BPIFB6: variants seen among roughly 807,000 people sequenced by gnomAD.
BPIFB6 encodes BPI fold-containing family B member 6.
A neutral mutation model predicts 54.7 loss-of-function variants in BPIFB6; 47 were observed. That is an observed-to-expected ratio of 0.86 (90% CI 0.68 to 1.10). The LOEUF (loss-of-function observed/expected upper bound fraction) is 1.10. Ranked by LOEUF, BPIFB6 falls within the 50% of genes least tolerant of loss-of-function variation. The pLI is 0.00. For synonymous variants in BPIFB6, 255 were observed against 225.9 expected, an observed-to-expected ratio of 1.13 and a Z score of -1.16; for missense variants, 603 against 564.1, an observed-to-expected ratio of 1.07 and a Z score of -0.70.
chr20:33,037,231 G>A (rs535471783), intron 7 of BPIFB6, among the ~76,000 whole-genome samples: 4 of 152,296 alleles, frequency 2.6e-5, no homozygotes, highest in African/African-American at 7.2e-5. Flanking sequence ...GTCGATTTCC[G>A]CCTGTCTCTT....
intron 11 of BPIFB6, 56 bp downstream of exon 11, chr20:33,040,374 G>A (rs1979530107): frequency 1.3e-6 from 2 of 1,523,912 alleles, no homozygotes; most frequent in Admixed American, 1.7e-5. Flanking sequence ...TTGGCCTTCT[G>A]ATCTAGCACA....
intron 12 of BPIFB6, 89 bp downstream of exon 12, chr20:33,042,104 T>G (rs979353519): frequency 7.3e-6 from 10 of 1,376,630 alleles, no homozygotes; most frequent in Non-Finnish European, 1.0e-5. Context: ...GGCCCTGAAA[T>G]GGAGGCAGAT....
rs373810212 is a variant in BPIFB6, at chr20:33,035,061, C to T, written c.453-20C>T. 34 of 1,613,624 alleles carry T rather than the reference C, an allele frequency of 2.1e-5. No homozygotes were observed. The highest frequency in any genetic ancestry group is 1.4e-4 in the South Asian group (13 of 91,040). ...ACTGGTGCACCTGCCCACCTATCCT[C>T]GGTGCCTGTGTCCATCTAGCATGCT... is the stretch of plus-strand genomic sequence containing the variant. On this transcript the variant is annotated intron_variant, in intron 4 of 14. Transcript: ENST00000349552.
At chr20:33,035,476 T>G in intron 5 of BPIFB6, 136 bp from the exon 6 acceptor site, 1 of 869,270 alleles carries the variant, frequency 1.2e-6, no homozygotes, top group Non-Finnish European at 1.9e-6. Context: ...TTACTTTCTG[T>G]GGGACTTGGG....
chr20:33,035,540 G>T (rs1600524039), intron 5 of BPIFB6, 72 bp from the exon 6 acceptor site: 1 of 1,499,648 alleles, frequency 6.7e-7, no homozygotes. Context: ...GATGGCCCGT[G>T]GTGTACCATT....
In BPIFB6 at chr20:33,041,959, C is replaced by G; in HGVS notation, c.1143-11C>G. On this transcript the variant is annotated splice_polypyrimidine_tract_variant and intron_variant, in intron 11 of 14. Coordinates refer to ENST00000349552, the MANE Select transcript of BPIFB6 (RefSeq NM_174897.2). The stretch of plus-strand genomic sequence containing the variant: ...CCTCCCCGCCTGGCTTGCTTCCCCA[C>G]TCCCCCACAGATTACTGAGCTTGTC... The G allele has an allele frequency of 6.2e-7, 1 of 1,614,032 alleles. No homozygotes were observed. Among genetic ancestry groups the G allele is most frequent in the Non-Finnish European group, 8.5e-7 (1 of 1,179,922 alleles).
In BPIFB6 at chr20:33,034,255, A is replaced by G. The variant is rs1325582825; in HGVS notation, c.267A>G (p.Gln89=). ...TTGTACCTGGAGTGGGCATCTTCCA[A>G]TGTGTGTCCACAGGCATGACCGTCA... The part of the protein sequence containing the change: ...LNFVPGVGIF[Q]CVSTGMTVTG... The change falls in exon 3 of 15, where the codon CAA becomes CAG. Residue 89 remains glutamine, a synonymous_variant. Transcript: ENST00000349552. The G allele has an allele frequency of 4.3e-6, 7 of 1,614,022 alleles. No individual in the cohort carries two copies. Among genetic ancestry groups the G allele is most frequent in the South Asian group, 3.3e-5 (3 of 91,074 alleles).
In BPIFB6 at chr20:33,039,497, A is replaced by G. The variant is rs377574610; in HGVS notation, c.1051A>G (p.Met351Val). 5 of 1,611,742 alleles carry G rather than the reference A, an allele frequency of 3.1e-6. No individual in the cohort carries two copies. Among genetic ancestry groups the G allele is most frequent in the Non-Finnish European group, 4.2e-6 (5 of 1,179,332 alleles). The change falls in exon 10 of 15, where the codon ATG becomes GTG. Residue 351 changes from methionine (M) to valine (V), a missense_variant. By Grantham distance (21) the Met-to-Val change is conservative. Coordinates refer to ENST00000349552, the MANE Select transcript of BPIFB6 (RefSeq NM_174897.2). ...AGCTCGGTGGCGGAGCAAGGCTCCAATGTCCCTCTTTCTCCTAGAAGTGGT... is the reference window on the plus strand; with the variant it reads ...AGCTCGGTGGCGGAGCAAGGCTCCAGTGTCCCTCTTTCTCCTAGAAGTGGT... ...FAARWRSKAP[M>V]SLFLLEVHFN...
At position 33,031,664 on chromosome 20, in the gene BPIFB6, G is replaced by T. The variant is rs1184424470; in HGVS notation, c.17G>T (p.Cys6Phe). The change falls in exon 1 of 15, where the codon TGC becomes TTC. Residue 6 changes from cysteine (C) to phenylalanine (F), a missense_variant. Physicochemically the swap from Cys to Phe is radical, Grantham distance 205. Coordinates refer to ENST00000349552, the MANE Select transcript of BPIFB6 (RefSeq NM_174897.2). ...GGTGGTGCCATGCTGCGGATCCTGT[G>T]CCTGGCACTCTGCAGCCTGCTGACT... Reference protein sequence around the residue: MLRILCLALCSLLTGT... With the variant: MLRILFLALCSLLTGT... 7 of 1,613,814 alleles carry T rather than the reference G, an allele frequency of 4.3e-6. No homozygotes were observed. The highest frequency in any genetic ancestry group is 5.9e-6 in the Non-Finnish European group (7 of 1,179,970).
rs183794948 is a variant in BPIFB6, at chr20:33,036,542, C to T, written c.669+6C>T. ...ACATCCAACTGGACTTCAGTGTAAG[C>T]GCCTAGGGCCACCTGGGAGCTGGGG... On this transcript the variant is annotated splice_donor_region_variant and intron_variant, in intron 7 of 14. Transcript: ENST00000349552. 1.1e-5 allele frequency: 17 copies of T among 1,612,370 alleles called. No individual in the cohort carries two copies. The highest frequency in any genetic ancestry group is 1.7e-4 in the Middle Eastern group (1 of 6,060).
intron 12 of BPIFB6, 35 bp downstream of exon 12, chr20:33,042,050 G>T: frequency 1.2e-6 from 2 of 1,601,020 alleles, no homozygotes; most frequent in Admixed American, 3.3e-5. Flanking sequence ...TGTCCGGCGT[G>T]AGGACAAGAC....
At position 33,031,762 on chromosome 20, in the gene BPIFB6, C is replaced by A; in HGVS notation, c.97+18C>A. The A allele has an allele frequency of 1.2e-6, 2 of 1,612,030 alleles. No individual in the cohort carries two copies. The highest frequency in any genetic ancestry group is 8.5e-7 in the Non-Finnish European group (1 of 1,178,402). ...CATGAACCGTGGTGAGCTTGTGGGCCCGGGCGTGCAGCTGGGAGGCGGTGC... is the reference window on the plus strand; with the variant it reads ...CATGAACCGTGGTGAGCTTGTGGGCACGGGCGTGCAGCTGGGAGGCGGTGC... On this transcript the variant is annotated intron_variant, in intron 1 of 14. Coordinates refer to ENST00000349552, the MANE Select transcript of BPIFB6 (RefSeq NM_174897.2).
In BPIFB6 at chr20:33,033,029, C is replaced by T; in HGVS notation, c.143C>T (p.Ala48Val). Residue 48 changes from alanine (A) to valine (V), a missense_variant, in exon 2 of 15, where the codon GCA becomes GTA. Ala to Val is a moderately conservative substitution (Grantham distance 64). Transcript: ENST00000349552. ...MDESHILEKM[A>V]AEAGKKQPGM... ...GAGAGTCATATCCTGGAGAAGATGG[C>T]AGCCGAGGCAGGCAAGAAACAGCCA... The T allele has an allele frequency of 3.7e-6, 6 of 1,613,972 alleles. No homozygotes were observed. The highest frequency in any genetic ancestry group is 5.1e-6 in the Non-Finnish European group (6 of 1,179,894).
intron 7 of BPIFB6, among the ~76,000 whole-genome samples, chr20:33,037,327 A>G (rs1979385368): frequency 6.6e-6 from 1 of 152,218 alleles, no homozygotes; most frequent in African/African-American, 2.4e-5. Flanking sequence ...AAGCAGTGCT[A>G]GGAGAAAGTG....
rs1600523459 is a variant in BPIFB6, at chr20:33,034,756, C to T, written c.303-7C>T. On this transcript the variant is annotated splice_polypyrimidine_tract_variant and splice_region_variant and intron_variant, in intron 3 of 14. Coordinates refer to ENST00000349552, the MANE Select transcript of BPIFB6 (RefSeq NM_174897.2). ...TGCCCATGGTGCCCTCCTGCTCTGT[C>T]CTCCAGCTTCATGGGAGGGAACATG... 6.2e-7 allele frequency: 1 copy of T among 1,602,786 alleles called. No individual in the cohort carries two copies.
intron 9 of BPIFB6, 79 bp downstream of exon 9, chr20:33,039,041 G>A: frequency 6.8e-7 from 1 of 1,468,374 alleles, no homozygotes; most frequent in Non-Finnish European, 9.5e-7. Flanking sequence ...GTGGGACTTG[G>A]GAGACAGCTT....
At position 33,039,532 on chromosome 20, in the gene BPIFB6, C is replaced by G. The variant is rs374270182; in HGVS notation, c.1074+12C>G. 4.4e-6 allele frequency: 7 copies of G among 1,592,614 alleles called. No homozygotes were observed. Among genetic ancestry groups the G allele is most frequent in the Admixed American group, 3.6e-5 (2 of 56,200 alleles). On this transcript the variant is annotated intron_variant, in intron 10 of 14. Coordinates refer to ENST00000349552, the MANE Select transcript of BPIFB6 (RefSeq NM_174897.2). ...TTCTCCTAGAAGTGGTGAGGGAAAT[C>G]GTTCCCTTCCCCATTTATTCCCAAT...
At position 33,034,190 on chromosome 20, in the gene BPIFB6, A is replaced by G; in HGVS notation, c.202A>G (p.Lys68Glu). ...MKPIKGITNL[K>E]VKDVQLPVIT... ...TGGCTGCCTGTCCCTTCCCAGTTTG[A>G]AGGTGAAGGATGTCCAGCTGCCCGT... The change falls in exon 3 of 15, where the codon AAG becomes GAG. Residue 68 changes from lysine (K) to glutamate (E), a missense_variant. Lys to Glu is a moderately conservative substitution (Grantham distance 56). Transcript: ENST00000349552. 6.2e-7 allele frequency: 1 copy of G among 1,613,268 alleles called. No homozygotes were observed. Among genetic ancestry groups the G allele is most frequent in the Non-Finnish European group, 8.5e-7 (1 of 1,179,318 alleles).
chr20:33,036,867 G>A (rs1011366170), intron 7 of BPIFB6, among the ~76,000 whole-genome samples: 1 of 152,118 alleles, frequency 6.6e-6, no homozygotes, highest in Non-Finnish European at 1.5e-5. Flanking sequence ...CAGGAGCAGT[G>A]ACCTACCCAA....
Sources: gnomAD v4.1 joint callset for allele counts (sites outside exome capture counted in the v4.1 genomes callset) on GRCh38, gnomAD v4.1.1 for gene constraint, MANE v1.5 for transcripts, NCBI Gene and HGNC (gene_info 2026-07-23, HGNC 2026-07-21) for gene names.